PHACTR4: variants seen among roughly 807,000 people sequenced by gnomAD.
PHACTR4 encodes the protein phosphatase and actin regulator 4.
In PHACTR4, 51 loss-of-function variants were observed where a neutral mutation model predicts 72.7. The ratio of observed to expected loss-of-function variants is 0.70; its 90% confidence interval spans 0.56 to 0.89. PHACTR4 has a LOEUF of 0.89. Among genes scored for constraint, PHACTR4 ranks in the 40% least tolerant of loss-of-function variants. The pLI is 0.00. For synonymous variants in PHACTR4, 255 were observed against 302.5 expected (o/e 0.84, Z 1.63); for missense variants, 731 against 861.8 (o/e 0.85, Z 1.90).
At chr1:28,370,210 T>C (rs929744597) in intron 1 of PHACTR4, among the ~76,000 whole-genome samples, 1 of 152,172 alleles carries the variant, frequency 6.6e-6, no homozygotes, top group Non-Finnish European at 1.5e-5. Context: ...CCGGTTACAG[T>C]AACCGGATCG....
At chr1:28,404,097 G>T (rs1463029187) in intron 1 of PHACTR4, among the ~76,000 whole-genome samples, 1 of 151,796 alleles carries the variant, frequency 6.6e-6, no homozygotes, top group Admixed American at 6.6e-5. Context: ...CTATAGGCAC[G>T]TGCCACCATG....
chr1:28,498,983 G>T lies in PHACTR4; in HGVS notation c.*2434G>T, dbSNP rs1450117836. 6.7e-6 allele frequency: 1 copy of T among 148,732 alleles called. No individual in the cohort carries two copies. The highest frequency in any genetic ancestry group is 2.5e-5 in the African/African-American group (1 of 40,118). The allele number at this position is 148,732 out of a possible 1,614,324, so 9.2% of individuals were successfully genotyped here. On this transcript the variant is annotated 3_prime_UTR_variant, in exon 14 of 14. Coordinates refer to ENST00000373839, the MANE Select transcript of PHACTR4 (RefSeq NM_001048183.3). Reference sequence around the variant, plus strand: ...CTCAGGACGCTGAGGCAGGAGAGTCGCTTGAACCCAGGAGGCGGAGATTGC... The same window carrying T: ...CTCAGGACGCTGAGGCAGGAGAGTCTCTTGAACCCAGGAGGCGGAGATTGC...
At position 28,459,206 on chromosome 1, in the gene PHACTR4, C is replaced by T. The variant is rs751454488; in HGVS notation, c.138C>T (p.Pro46=). ...KFSGFGKIFK[P]WKWRKKKSSD... ...CAGGCTTTGGCAAGATCTTCAAGCC[C>T]TGGAAATGGAGGAAAAAAAAAAGTA... is the stretch of plus-strand genomic sequence containing the variant. The change falls in exon 3 of 14, where the codon CCC becomes CCT. Residue 46 remains proline (P), a synonymous_variant. Transcript: ENST00000373839. 1 of 1,613,484 alleles carries T rather than the reference C, an allele frequency of 6.2e-7. No individual in the cohort carries two copies. The highest frequency in any genetic ancestry group is 1.7e-5 in the Admixed American group (1 of 59,906).
At chr1:28,441,608 A>G (rs1029823627) in intron 2 of PHACTR4, among the ~76,000 whole-genome samples, 8 of 152,214 alleles carry the variant, frequency 5.3e-5, no homozygotes, top group Non-Finnish European at 1.0e-4. Context: ...ATGCTGTGGT[A>G]TCCATTCAAG....
At chr1:28,391,308 A>C (rs1036583234) in intron 1 of PHACTR4, among the ~76,000 whole-genome samples, 3 of 150,830 alleles carry the variant, frequency 2.0e-5, no homozygotes, top group African/African-American at 7.4e-5. Context: ...CTGAGGCAGG[A>C]TAATGGTGTG....
At chr1:28,443,446 T>C (rs973198585) in intron 2 of PHACTR4, among the ~76,000 whole-genome samples, 2 of 151,604 alleles carry the variant, frequency 1.3e-5, no homozygotes, top group Admixed American at 6.6e-5. Flanking sequence ...CATACCCAGC[T>C]AATTCTTTTT....
intron 1 of PHACTR4, among the ~76,000 whole-genome samples, chr1:28,387,403 C>T (rs1479884664): frequency 6.6e-6 from 1 of 152,068 alleles, no homozygotes; most frequent in Non-Finnish European, 1.5e-5. Context: ...GGATTAATCC[C>T]TGTTAAAAAT....
intron 1 of PHACTR4, among the ~76,000 whole-genome samples, chr1:28,386,073 A>C (rs1652540129): frequency 6.6e-6 from 1 of 152,008 alleles, no homozygotes. Context: ...CAATGAGAAG[A>C]ATGTGTATTC....
intron 1 of PHACTR4, among the ~76,000 whole-genome samples, chr1:28,374,862 T>A (rs531879941): frequency 6.6e-6 from 1 of 152,350 alleles, no homozygotes; most frequent in East Asian, 1.9e-4. Context: ...TCAACCTCTT[T>A]GAGCTTTAGT....
chr1:28,417,939 G>A (rs1354183622), intron 2 of PHACTR4, among the ~76,000 whole-genome samples: 2 of 134,442 alleles, frequency 1.5e-5, no homozygotes, highest in African/African-American at 2.8e-5. Context: ...GCAACATTGG[G>A]AGACCCTACA....
chr1:28,493,150 CAG>C (rs1661141397), intron 13 of PHACTR4, 59 bp downstream of exon 13: 1 of 1,450,326 alleles, frequency 6.9e-7, no homozygotes, highest in African/African-American at 1.4e-5. Context: ...AAAAATTGTT[CAG>C]ATATGAAGGG....
rs114304235 is a variant in PHACTR4 at position 28,407,029 on chromosome 1, C to T, written c.-38-381C>T. ...TTCAAAATGAGGATTGGAAAGGGAG[C>T]TTATTTGAGGAAACTGACAATAATA... On this transcript the variant is annotated intron_variant, in intron 1 of 13. Transcript: ENST00000373839. 3.9e-3 allele frequency among the ~76,000 whole-genome samples: 589 copies of T among 152,030 alleles called. 4 individuals carry two copies. Among genetic ancestry groups the T allele is most frequent in the African/African-American group, 0.013 (542 of 41,462 alleles).
intron 1 of PHACTR4, among the ~76,000 whole-genome samples, chr1:28,380,051 C>CTTTTTTT (rs1227241664): frequency 1.7e-5 from 2 of 117,294 alleles, no homozygotes; most frequent in African/African-American, 3.3e-5. Context: ...TTAAATGTAA[C>CTTTTTTT]TTTTTTTTTT....
At chr1:28,438,344 G>A (rs776399348) in intron 2 of PHACTR4, 53 of 1,597,532 alleles carry the variant, frequency 3.3e-5, no homozygotes, top group Non-Finnish European at 4.0e-5. Context: ...GCTTTTGTCC[G>A]GGACAGTTTG....
chr1:28,454,335 G>A (rs1192747075), intron 2 of PHACTR4, among the ~76,000 whole-genome samples: 1 of 140,062 alleles, frequency 7.1e-6, no homozygotes, highest in Non-Finnish European at 1.5e-5. Flanking sequence ...GGAGTACAGT[G>A]GCGTGATCTC....
At chr1:28,394,251 TAAAA>T (rs552494493) in intron 1 of PHACTR4, among the ~76,000 whole-genome samples, 5 of 53,386 alleles carry the variant, frequency 9.4e-5, no homozygotes, top group African/African-American at 2.2e-4. Flanking sequence ...TTTTAGAAAG[TAAAA>T]AAAAAAAAAA....
chr1:28,418,824 G>A (rs757026417), intron 2 of PHACTR4, among the ~76,000 whole-genome samples: 2 of 149,382 alleles, frequency 1.3e-5, no homozygotes, highest in Non-Finnish European at 3.0e-5. Context: ...GATGGTGTGC[G>A]CCTGTAGTCC....
At chr1:28,426,681 T>G in intron 2 of PHACTR4, among the ~76,000 whole-genome samples, 1 of 148,490 alleles carries the variant, frequency 6.7e-6, no homozygotes, top group Admixed American at 6.7e-5. Flanking sequence ...AAAAGAAACG[T>G]GGAATTGGTT....
At chr1:28,430,650 T>C (rs1656195177) in intron 2 of PHACTR4, among the ~76,000 whole-genome samples, 2 of 152,204 alleles carry the variant, frequency 1.3e-5, no homozygotes, top group African/African-American at 4.8e-5. Context: ...GTAATTTCTG[T>C]TGGTCATCAC....
Sources: allele counts gnomAD v4.1 joint callset (sites outside exome capture counted in the v4.1 genomes callset), GRCh38; gene constraint gnomAD v4.1.1; transcripts MANE v1.5; gene names NCBI Gene and HGNC (gene_info 2026-07-23, HGNC 2026-07-21).